Variants in MAST4 observed in about 807,000 individuals in gnomAD.
MAST4 encodes the protein microtubule-associated serine/threonine-protein kinase 4.
A neutral mutation model predicts 162.7 loss-of-function variants in MAST4; 89 were observed. The observed-to-expected ratio is 0.55, with a 90% CI of 0.46 to 0.65. The LOEUF is 0.65. Ranked by LOEUF, MAST4 falls within the 30% of genes least tolerant of loss-of-function variation. The pLI is 0.00. For synonymous variants in MAST4, 1,479 were observed against 1,361.1 expected, an observed-to-expected ratio of 1.09 and a Z score of -1.91; for missense variants, 3,153 against 3,374.0, an observed-to-expected ratio of 0.93 and a Z score of 1.62.
At chr5:66,648,136 G>C (rs1745986505) in intron 1 of MAST4, among the ~76,000 whole-genome samples, 2 of 150,492 alleles carry the variant, frequency 1.3e-5, no homozygotes, top group East Asian at 2.0e-4. Context: ...TTCAGGCTTT[G>C]TGGCAATGTG....
At chr5:67,005,522 C>A (rs1751923231) in intron 4 of MAST4, among the ~76,000 whole-genome samples, 1 of 152,160 alleles carries the variant, frequency 6.6e-6, no homozygotes, top group Non-Finnish European at 1.5e-5. Context: ...ATGTACGATG[C>A]AAGGATAGCC....
chr5:66,920,565 A>G (rs1764465369), intron 4 of MAST4, among the ~76,000 whole-genome samples: 1 of 152,124 alleles, frequency 6.6e-6, no homozygotes, highest in Non-Finnish European at 1.5e-5. Context: ...ATCTCAGCTC[A>G]CCACAACCTC....
chr5:66,625,037 TTA>T (rs201803667), intron 1 of MAST4, among the ~76,000 whole-genome samples: 1 of 145,388 alleles, frequency 6.9e-6, no homozygotes, highest in African/African-American at 2.5e-5. Context: ...AAATGAAGTG[TTA>T]TTTTTTTGTA....
At chr5:66,866,255 T>A (rs991807401) in intron 3 of MAST4, among the ~76,000 whole-genome samples, 5 of 152,136 alleles carry the variant, frequency 3.3e-5, no homozygotes, top group Admixed American at 3.3e-4. Context: ...CTTCTCAAGC[T>A]AATTTGAAAA....
At chr5:66,598,972 G>C (rs1742378607) in intron 1 of MAST4, among the ~76,000 whole-genome samples, 1 of 152,214 alleles carries the variant, frequency 6.6e-6, no homozygotes, top group Admixed American at 6.5e-5. Context: ...AAAGTGGAAT[G>C]ATTAAATAAC....
In MAST4 at chr5:67,162,837, C is replaced by A. The variant is rs370468443; in HGVS notation, c.3967+49C>A. On this transcript the variant is annotated intron_variant, in intron 28 of 28. Transcript: ENST00000403625. ...CAGCAGAGGGGAGGGGAGGTAAAGT[C>A]ATGTGAGGTCCCCAAAAAACATGAA... 1,927 of 1,541,230 alleles carry A rather than the reference C, an allele frequency of 1.3e-3. 2 individuals carry two copies. The highest frequency in any genetic ancestry group is 1.6e-3 in the Non-Finnish European group (1,766 of 1,136,516).
chr5:66,836,362 C>A (rs753751040), intron 3 of MAST4, among the ~76,000 whole-genome samples: 2 of 152,074 alleles, frequency 1.3e-5, no homozygotes, highest in African/African-American at 4.8e-5. Flanking sequence ...TAAATTAGTT[C>A]GGCCACTGTG....
At chr5:66,956,310 G>A (rs761974377) in intron 4 of MAST4, among the ~76,000 whole-genome samples, 2 of 152,106 alleles carry the variant, frequency 1.3e-5, no homozygotes, top group Non-Finnish European at 2.9e-5. Flanking sequence ...TTGTATCCAG[G>A]GGTGCTGGAG....
At chr5:66,718,810 A>G (rs569577186) in intron 1 of MAST4, among the ~76,000 whole-genome samples, 28 of 152,006 alleles carry the variant, frequency 1.8e-4, no homozygotes, top group African/African-American at 6.8e-4. Flanking sequence ...TTCCCTCTCG[A>G]GCTATTCCAT....
chr5:66,990,981 CA>C (rs1205160029), intron 4 of MAST4, among the ~76,000 whole-genome samples: 3 of 152,098 alleles, frequency 2.0e-5, no homozygotes, highest in Non-Finnish European at 4.4e-5. Context: ...GAAAGCTTCT[CA>C]AAAATAATGA....
chr5:66,750,457 A>G (rs1420298532), intron 1 of MAST4, among the ~76,000 whole-genome samples: 1 of 152,246 alleles, frequency 6.6e-6, no homozygotes, highest in Non-Finnish European at 1.5e-5. Context: ...TGCGAGCCGA[A>G]GCAGGGCGAG....
At chr5:66,869,063 T>C (rs1760738750) in intron 3 of MAST4, among the ~76,000 whole-genome samples, 1 of 152,312 alleles carries the variant, frequency 6.6e-6, no homozygotes, top group South Asian at 2.1e-4. Flanking sequence ...TTTTTCCCGA[T>C]GAGTAGGAGC....
chr5:67,020,448 A>G (rs1362174686), intron 4 of MAST4, among the ~76,000 whole-genome samples: 2 of 152,228 alleles, frequency 1.3e-5, no homozygotes, highest in African/African-American at 4.8e-5. Flanking sequence ...ACCACTGACT[A>G]TTCCAGAAGC....
intron 3 of MAST4, among the ~76,000 whole-genome samples, chr5:66,823,909 A>G (rs1757114255): frequency 6.6e-6 from 1 of 152,342 alleles, no homozygotes; most frequent in South Asian, 2.1e-4. Context: ...TTGGCATTCA[A>G]GATATGATTA....
intron 5 of MAST4, among the ~76,000 whole-genome samples, chr5:67,067,064 T>TGCA (rs1760331891): frequency 6.6e-6 from 1 of 152,178 alleles, no homozygotes; most frequent in African/African-American, 2.4e-5. Flanking sequence ...AAGAAGGAAC[T>TGCA]ATTGCAGGAG....
Position 67,142,221 on chromosome 5 carries a change from C to T in MAST4, c.2601C>T (p.Asp867=), listed in dbSNP as rs1363980548. Residue 867 remains aspartate (D), a synonymous_variant, in exon 20 of 29, where the codon GAC becomes GAT. Transcript: ENST00000403625. The part of the protein sequence containing the change: ...EFIPQLESED[D]TSYFDTRSEK... ...TTCCCCAACTGGAATCTGAGGATGACACAAGTTATTTTGATAGTATGTGCT... is the reference window on the plus strand; with the variant it reads ...TTCCCCAACTGGAATCTGAGGATGATACAAGTTATTTTGATAGTATGTGCT... 2.8e-5 allele frequency: 45 copies of T among 1,613,650 alleles called. No homozygotes were observed. The highest frequency in any genetic ancestry group is 3.5e-5 in the Non-Finnish European group (41 of 1,179,786).
chr5:66,937,082 A>C (rs970515750), intron 4 of MAST4, among the ~76,000 whole-genome samples: 1 of 152,198 alleles, frequency 6.6e-6, no homozygotes, highest in Non-Finnish European at 1.5e-5. Context: ...AGGCTTTACC[A>C]TGGGAAATAC....
At chr5:66,830,955 C>T (rs1757557134) in intron 3 of MAST4, among the ~76,000 whole-genome samples, 1 of 152,142 alleles carries the variant, frequency 6.6e-6, no homozygotes, top group African/African-American at 2.4e-5. Flanking sequence ...TGGCTCCAAT[C>T]CTGTGTTGTG....
chr5:66,994,522 CTGT>C (rs1364070899), intron 4 of MAST4, among the ~76,000 whole-genome samples: 1 of 152,178 alleles, frequency 6.6e-6, no homozygotes, highest in East Asian at 1.9e-4. Flanking sequence ...ACTTGACTGG[CTGT>C]TGTTCTCATT....
Sources: gnomAD v4.1 joint callset for allele counts (sites outside exome capture counted in the v4.1 genomes callset) on GRCh38, gnomAD v4.1.1 for gene constraint, MANE v1.5 for transcripts, NCBI Gene and HGNC (gene_info 2026-07-23, HGNC 2026-07-21) for gene names.